The following STRBP variants were observed in gnomAD, a reference collection of about 807,000 sequenced individuals.
STRBP encodes the protein spermatid perinuclear RNA-binding protein.
In STRBP, 13 loss-of-function variants were observed where a neutral mutation model predicts 80.1. The observed-to-expected ratio is 0.16, with a 90% CI of 0.11 to 0.26. The LOEUF (loss-of-function observed/expected upper bound fraction) is 0.26. Ranked by LOEUF, STRBP falls within the 10% of genes least tolerant of loss-of-function variation. The pLI is 1.00. For missense variants in STRBP, 485 were observed against 815.2 expected, an observed-to-expected ratio of 0.59 and a Z score of 4.93; for synonymous variants, 284 against 291.2, an observed-to-expected ratio of 0.98 and a Z score of 0.25.
At chr9:123,178,908 C>A in intron 4 of STRBP, 99 bp downstream of exon 4, 2 of 1,166,352 alleles carry the variant, frequency 1.7e-6, no homozygotes, top group Non-Finnish European at 1.2e-6. Flanking sequence ...ATGCATAAGA[C>A]AAAATCCAAA....
intron 12 of STRBP, 55 bp downstream of exon 12, chr9:123,147,723 C>G: frequency 2.4e-6 from 2 of 837,290 alleles, no homozygotes; most frequent in Non-Finnish European, 3.6e-6. Context: ...ATTTTTCTAT[C>G]TGAAGCTACA....
chr9:123,217,747 C>T (rs1041295651), intron 2 of STRBP, among the ~76,000 whole-genome samples: 1 of 152,152 alleles, frequency 6.6e-6, no homozygotes, highest in African/African-American at 2.4e-5. Flanking sequence ...AAGTGGTGTC[C>T]ATTCTTATTT....
At chr9:123,152,628 A>G (rs192148181) in intron 11 of STRBP, among the ~76,000 whole-genome samples, 9 of 152,264 alleles carry the variant, frequency 5.9e-5, no homozygotes, top group Admixed American at 2.0e-4. Flanking sequence ...AAAAATCGCA[A>G]AAGGTCACTT....
chr9:123,174,082 T>A (rs534332779), intron 4 of STRBP, among the ~76,000 whole-genome samples: 150 of 152,358 alleles, frequency 9.8e-4, no homozygotes, highest in South Asian at 1.9e-3. Context: ...TACATTTATA[T>A]TGCTTAAGAA....
chr9:123,164,499 C>T (rs1405709838), intron 6 of STRBP, among the ~76,000 whole-genome samples: 1 of 152,292 alleles, frequency 6.6e-6, no homozygotes, highest in East Asian at 1.9e-4. Context: ...CAGAATCACA[C>T]CATACCACAG....
intron 6 of STRBP, among the ~76,000 whole-genome samples, chr9:123,164,504 C>T (rs2037668026): frequency 6.6e-6 from 1 of 152,188 alleles, no homozygotes; most frequent in Non-Finnish European, 1.5e-5. Flanking sequence ...TCACACCATA[C>T]CACAGGAAAT....
At chr9:123,232,745 G>A (rs954833337) in intron 2 of STRBP, among the ~76,000 whole-genome samples, 2 of 152,184 alleles carry the variant, frequency 1.3e-5, no homozygotes, top group East Asian at 3.8e-4. Flanking sequence ...GAAATGGGCA[G>A]AGTTAGGAAA....
At chr9:123,263,413 T>C (rs141598123) in intron 1 of STRBP, among the ~76,000 whole-genome samples, 1 of 149,942 alleles carries the variant, frequency 6.7e-6, no homozygotes, top group African/African-American at 2.5e-5. Context: ...TAGTCCCAGC[T>C]ACTCGAGATG....
chr9:123,247,929 T>C (rs1450500586), intron 1 of STRBP, among the ~76,000 whole-genome samples: 1 of 152,166 alleles, frequency 6.6e-6, no homozygotes, highest in Non-Finnish European at 1.5e-5. Context: ...ACAATAATAA[T>C]AGTTGCCATG....
chr9:123,216,684 T>C (rs2039908842), intron 2 of STRBP, among the ~76,000 whole-genome samples: 1 of 152,226 alleles, frequency 6.6e-6, no homozygotes, highest in Non-Finnish European at 1.5e-5. Flanking sequence ...CCCATATAAA[T>C]AGCAAACACT....
intron 2 of STRBP, among the ~76,000 whole-genome samples, chr9:123,226,232 G>A (rs780029306): frequency 2.6e-5 from 4 of 152,154 alleles, no homozygotes; most frequent in African/African-American, 9.7e-5. Context: ...GGTGAAGAGA[G>A]GGAACTGACT....
chr9:123,164,864 A>T (rs1441169082), intron 6 of STRBP, among the ~76,000 whole-genome samples: 1 of 152,216 alleles, frequency 6.6e-6, no homozygotes, highest in African/African-American at 2.4e-5. Context: ...AATAACATAA[A>T]CAGATAAATG....
intron 2 of STRBP, among the ~76,000 whole-genome samples, chr9:123,185,120 C>T (rs528916543): frequency 6.6e-6 from 1 of 151,704 alleles, no homozygotes; most frequent in African/African-American, 2.4e-5. Context: ...ACCAGAACAT[C>T]AAAATACAGC....
chr9:123,186,824 TTAA>T (rs1170489245), intron 2 of STRBP, among the ~76,000 whole-genome samples: 2 of 58,344 alleles, frequency 3.4e-5, no homozygotes, highest in African/African-American at 5.8e-5. Context: ...TTTTCTTTTT[TTAA>T]AAAAAAAAAA....
At chr9:123,134,992 T>C (rs755592788) in intron 16 of STRBP, among the ~76,000 whole-genome samples, 32 of 152,248 alleles carry the variant, frequency 2.1e-4, no homozygotes, top group Admixed American at 1.6e-3. Context: ...ATTTAAGCAG[T>C]GTTTATTATA....
At chr9:123,260,853 C>A (rs902116530) in intron 1 of STRBP, among the ~76,000 whole-genome samples, 1 of 152,150 alleles carries the variant, frequency 6.6e-6, no homozygotes, top group Non-Finnish European at 1.5e-5. Flanking sequence ...TCTGAAATGT[C>A]CATGATGAAA....
chr9:123,216,213 T>C (rs1231321871), intron 2 of STRBP, among the ~76,000 whole-genome samples: 4 of 152,182 alleles, frequency 2.6e-5, no homozygotes, highest in Non-Finnish European at 5.9e-5. Context: ...AGACCTCCCA[T>C]ATCTCACACT....
At chr9:123,169,837 T>C in intron 6 of STRBP, 65 bp downstream of exon 6, 2 of 1,001,554 alleles carry the variant, frequency 2.0e-6, no homozygotes, top group South Asian at 4.3e-5. Flanking sequence ...ACATAGCTTT[T>C]ATATGAAGAA....
intron 17 of STRBP, among the ~76,000 whole-genome samples, chr9:123,128,620 C>G (rs940905657): frequency 1.3e-5 from 2 of 152,208 alleles, no homozygotes; most frequent in Non-Finnish European, 2.9e-5. Context: ...CTGAACCTAG[C>G]AGAATGTATG....
Sources: gnomAD v4.1 joint callset for allele counts (sites outside exome capture counted in the v4.1 genomes callset) on GRCh38, gnomAD v4.1.1 for gene constraint, MANE v1.5 for transcripts, NCBI Gene and HGNC (gene_info 2026-07-23, HGNC 2026-07-21) for gene names.